TSHZ3: variants seen among roughly 807,000 people sequenced by gnomAD.
TSHZ3 encodes the protein teashirt zinc finger homeobox 3.
A neutral mutation model predicts 64.5 loss-of-function variants in TSHZ3; 10 were observed. The ratio of observed to expected loss-of-function variants is 0.16; its 90% CI spans 0.10 to 0.26. TSHZ3 has a LOEUF of 0.26. Ranked by LOEUF, TSHZ3 falls within the 10% of genes least tolerant of loss-of-function variation. The probability of loss-of-function intolerance (pLI) is 1.00; values close to 1 mark genes in which losing one functional copy is unlikely to be tolerated. For missense variants in TSHZ3, 1,242 were observed against 1,421.7 expected (o/e 0.87, Z 2.03); for synonymous variants, 608 against 593.1 (o/e 1.03, Z -0.36).
rs1250133829 is a variant in TSHZ3 at position 31,340,517 on chromosome 19, GGGC to G, written c.40+8660_40+8662del. 2.6e-5 allele frequency among the ~76,000 whole-genome samples: 4 copies of G among 151,978 alleles called. No individual in the cohort carries two copies. The East Asian group carries it at 7.8e-4, about 30-fold the overall frequency. On this transcript the variant is annotated intron_variant, in intron 1 of 1. Coordinates refer to ENST00000240587, the MANE Select transcript of TSHZ3 (RefSeq NM_020856.4). ...AAAAGGGGAAAGGGAGGGAAGGGGT[GGGC>G]GGCGGGCAGGGAGGAGGGGAGAGGG...
intron 5 of TSHZ3, among the ~76,000 whole-genome samples, chr19:31,179,830 G>GTGC (rs1441528902): frequency 2.7e-5 from 4 of 146,716 alleles, no homozygotes; most frequent in African/African-American, 7.9e-5. Flanking sequence ...GATGATGGAG[G>GTGC]TGGTGGTGGT....
chr19:31,253,491 A>C (rs947889934), intron 1 of TSHZ3, among the ~76,000 whole-genome samples: 2 of 152,148 alleles, frequency 1.3e-5, no homozygotes, highest in Non-Finnish European at 2.9e-5. Flanking sequence ...GCCTGAGAAA[A>C]CCAAGTCTCC....
In TSHZ3 at chr19:31,254,771, G is replaced by A. The variant is rs188009225; in HGVS notation, n.64-11896C>T. ...AAACTGCAGTCAATGGGGCTAGTGC[G>A]TGTCTAAGGACAGCGGGAAGTGGCC... On this transcript the variant is annotated intron_variant and non_coding_transcript_variant, in intron 1 of 6. Transcript: ENST00000651361. Among the ~76,000 whole-genome samples the A allele has an allele frequency of 1.1e-4, 16 of 152,270 alleles. No individual in the cohort carries two copies. The East Asian group carries it at 2.1e-3, about 20-fold the overall frequency.
Position 31,179,734 on chromosome 19 carries a change from GTGGTGGTGGTGGTGA to G in TSHZ3, n.810-23332_810-23318del, listed in dbSNP as rs1189080788. Among the ~76,000 whole-genome samples the G allele has an allele frequency of 2.6e-3, 390 of 150,898 alleles. 1 individual carries two copies. Among genetic ancestry groups the G allele is most frequent in the African/African-American group, 8.7e-3 (354 of 40,888 alleles). On this transcript the variant is annotated intron_variant and non_coding_transcript_variant, in intron 5 of 6. Transcript: ENST00000651361. The stretch of plus-strand genomic sequence containing the variant: ...GTGGTAACAATGATGATGGTAGGTG[GTGGTGGTGGTGGTGA>G]TGGTGGTGGTGATGGTGGGGGTGAT...
At chr19:31,253,425 C>T (rs1975867436) in intron 1 of TSHZ3, among the ~76,000 whole-genome samples, 1 of 152,108 alleles carries the variant, frequency 6.6e-6, no homozygotes, top group Non-Finnish European at 1.5e-5. Context: ...GCTGAACGCC[C>T]AAAGTTGCAT....
chr19:31,323,072 C>G (rs574045842), intron 1 of TSHZ3, among the ~76,000 whole-genome samples: 12 of 152,244 alleles, frequency 7.9e-5, no homozygotes, highest in Non-Finnish European at 1.6e-4. Context: ...ATTTGGCAAC[C>G]TGCTTTTTTC....
rs1975859100 is a variant in TSHZ3 at position 31,252,781 on chromosome 19, T to C, written n.64-9906A>G. Among the ~76,000 whole-genome samples the C allele has an allele frequency of 1.3e-5, 2 of 152,220 alleles. 1 individual carries two copies. The highest frequency in any genetic ancestry group is 4.1e-4 in the South Asian group (2 of 4,832). The stretch of plus-strand genomic sequence containing the variant: ...TCTCAGGTATTTCTTCATAGTAGTA[T>C]GAGAATGGACTAATACATTGGCAAA... On this transcript the variant is annotated intron_variant and non_coding_transcript_variant, in intron 1 of 6. Transcript: ENST00000651361.
Position 31,243,792 on chromosome 19 carries a change from A to C in TSHZ3, n.64-917T>G, listed in dbSNP as rs566640196. 5.7e-4 allele frequency among the ~76,000 whole-genome samples: 87 copies of C among 152,270 alleles called. No individual in the cohort carries two copies. In the South Asian group the frequency reaches 0.017, roughly 30 times the overall value. On this transcript the variant is annotated intron_variant and non_coding_transcript_variant, in intron 1 of 6. Coordinates refer to the TSHZ3 transcript ENST00000651361. The stretch of plus-strand genomic sequence containing the variant: ...CCCTCTCTGTGACCTTAGGAAGCTT[A>C]TTTAACCTCACTGACTCTGTTTTCC...
At chr19:31,254,620 T>C (rs1975884838) in intron 1 of TSHZ3, among the ~76,000 whole-genome samples, 1 of 152,224 alleles carries the variant, frequency 6.6e-6, no homozygotes, top group Non-Finnish European at 1.5e-5. Flanking sequence ...CGGGTGATTT[T>C]CAGGCCATCC....
At position 31,349,267 on chromosome 19, in the gene TSHZ3, G is replaced by T. The variant is rs2021622943; in HGVS notation, c.-48C>A. On this transcript the variant is annotated 5_prime_UTR_variant, in exon 1 of 2. Transcript: ENST00000240587. ...CTGCCGCCGCCGCCGCCGCTGCCGG[G>T]CTGAGGACAGGGAGGGAGGGGGCGG... The T allele has an allele frequency of 6.7e-7, 1 of 1,502,622 alleles. No homozygotes were observed. 93.1% of individuals were successfully genotyped at this position (1,502,622 alleles called of 1,614,324 possible).
At chr19:31,183,198 C>CTCTCTCTCTCTCTCTCTCTT (rs1974747008) in intron 5 of TSHZ3, among the ~76,000 whole-genome samples, 1 of 67,422 alleles carries the variant, frequency 1.5e-5, no homozygotes, top group Non-Finnish European at 2.6e-5. Context: ...CTCTCTCTCT[C>CTCTCTCTCTCTCTCTCTCTT]TCTCTCTCTC....
At chr19:31,223,901 G>A (rs977113174) in intron 4 of TSHZ3, among the ~76,000 whole-genome samples, 1 of 152,180 alleles carries the variant, frequency 6.6e-6, no homozygotes, top group African/African-American at 2.4e-5. Flanking sequence ...ACTCAGTGAG[G>A]GGAAGGACCA....
At chr19:31,192,651 G>C (rs1974928182) in intron 5 of TSHZ3, among the ~76,000 whole-genome samples, 1 of 152,034 alleles carries the variant, frequency 6.6e-6, no homozygotes, top group Admixed American at 6.6e-5. Context: ...TTGTTTTGGG[G>C]CCAACTTTAT....
intron 5 of TSHZ3, among the ~76,000 whole-genome samples, chr19:31,179,759 T>C (rs1159645391): frequency 1.3e-5 from 2 of 150,630 alleles, no homozygotes; most frequent in Non-Finnish European, 3.0e-5. Context: ...ATGGTGGTGG[T>C]GATGGTGGGG....
intron 5 of TSHZ3, among the ~76,000 whole-genome samples, chr19:31,189,833 T>C (rs556517508): frequency 1.3e-5 from 2 of 152,314 alleles, no homozygotes; most frequent in South Asian, 4.1e-4. Context: ...ACTGTGAATT[T>C]ATCTATTTCT....
chr19:31,305,675 T>TA (rs1305131415), intron 1 of TSHZ3: 2 of 152,096 alleles, frequency 1.3e-5, no homozygotes. Flanking sequence ...AGCATGGTGA[T>TA]AAAGAGAGGA....
At chr19:31,177,321 G>T (rs150656994) in intron 5 of TSHZ3, among the ~76,000 whole-genome samples, 50 of 152,346 alleles carry the variant, frequency 3.3e-4, no homozygotes, top group Non-Finnish European at 6.2e-4. Context: ...CCCAGAAGCT[G>T]CAGGAGAGAC....
At chr19:31,271,814 ATAAC>A (rs1379282255), downstream of TSHZ3, among the ~76,000 whole-genome samples, 1 of 152,208 alleles carries the variant, frequency 6.6e-6, no homozygotes. Context: ...TACCAAAAGA[ATAAC>A]TATCTGGCAG....
At chr19:31,239,717 C>A (rs1176809838) in intron 3 of TSHZ3, among the ~76,000 whole-genome samples, 1 of 151,684 alleles carries the variant, frequency 6.6e-6, no homozygotes, top group East Asian at 1.9e-4. Flanking sequence ...TAGCTGGAGA[C>A]TACAGGCATG....
Sources: allele counts gnomAD v4.1 joint callset (sites outside exome capture counted in the v4.1 genomes callset), GRCh38; gene constraint gnomAD v4.1.1; transcripts MANE v1.5; gene names NCBI Gene and HGNC (gene_info 2026-07-23, HGNC 2026-07-21).